Variants in FBXL7 observed in about 807,000 individuals in gnomAD.
FBXL7 encodes F-box and leucine rich repeat protein 7.
In FBXL7, 12 loss-of-function variants were observed where a neutral mutation model predicts 38.3. The ratio of observed to expected loss-of-function variants is 0.31; its 90% CI spans 0.20 to 0.51. The LOEUF is 0.51. Among genes scored for constraint, FBXL7 ranks in the 20% least tolerant of loss-of-function variants. The probability of loss-of-function intolerance (pLI) is 0.98; values close to 1 mark genes in which losing one functional copy is unlikely to be tolerated. For synonymous variants in FBXL7, 297 were observed against 300.9 expected, an observed-to-expected ratio of 0.99 and a Z score of 0.13; for missense variants, 567 against 676.4, an observed-to-expected ratio of 0.84 and a Z score of 1.79.
At chr5:15,657,400 G>T (rs1741918994) in intron 2 of FBXL7, among the ~76,000 whole-genome samples, 1 of 152,134 alleles carries the variant, frequency 6.6e-6, no homozygotes, top group African/African-American at 2.4e-5. Flanking sequence ...GTACCGGCCT[G>T]CAGTAAACAA....
At chr5:15,920,473 A>T (rs1297991182) in intron 2 of FBXL7, among the ~76,000 whole-genome samples, 1 of 151,542 alleles carries the variant, frequency 6.6e-6, no homozygotes, top group Non-Finnish European at 1.5e-5. Flanking sequence ...CTTGCCATCT[A>T]CTCTGTGTAT....
At chr5:15,517,005 A>ATTTTTT (rs1474797088) in intron 1 of FBXL7, among the ~76,000 whole-genome samples, 1 of 151,762 alleles carries the variant, frequency 6.6e-6, no homozygotes, top group Non-Finnish European at 1.5e-5. Flanking sequence ...TGGGTTTTTT[A>ATTTTTT]TTTTTTTATT....
At chr5:15,655,431 T>C (rs1478616471) in intron 2 of FBXL7, among the ~76,000 whole-genome samples, 1 of 151,558 alleles carries the variant, frequency 6.6e-6, no homozygotes, top group Non-Finnish European at 1.5e-5. Flanking sequence ...GAGGTTGAGG[T>C]TGCAGTGAGC....
At chr5:15,746,714 T>A (rs1269235095) in intron 2 of FBXL7, among the ~76,000 whole-genome samples, 1 of 152,168 alleles carries the variant, frequency 6.6e-6, no homozygotes, top group Non-Finnish European at 1.5e-5. Flanking sequence ...TTTAAAGTTA[T>A]GGACTAGATA....
intron 2 of FBXL7, among the ~76,000 whole-genome samples, chr5:15,619,760 C>A (rs1415175747): frequency 1.3e-5 from 2 of 152,104 alleles, no homozygotes; most frequent in African/African-American, 4.8e-5. Context: ...ATGGCTATAC[C>A]TTTAATAGCC....
intron 1 of FBXL7, among the ~76,000 whole-genome samples, chr5:15,501,937 T>G (rs1736500927): frequency 6.6e-6 from 1 of 152,026 alleles, no homozygotes; most frequent in Non-Finnish European, 1.5e-5. Context: ...TTGAGTTTTT[T>G]TTTTTTTGAC....
intron 2 of FBXL7, among the ~76,000 whole-genome samples, chr5:15,625,831 A>G (rs1740797282): frequency 6.6e-6 from 1 of 152,178 alleles, no homozygotes; most frequent in Non-Finnish European, 1.5e-5. Flanking sequence ...ATAGAAGGAA[A>G]CTCAATCTAT....
intron 2 of FBXL7, among the ~76,000 whole-genome samples, chr5:15,923,379 A>G (rs1482680541): frequency 6.6e-6 from 1 of 152,200 alleles, no homozygotes; most frequent in East Asian, 1.9e-4. Flanking sequence ...TTTTCCTGCT[A>G]TAGAGACATA....
chr5:15,591,446 CTG>C (rs1262468837), intron 1 of FBXL7, among the ~76,000 whole-genome samples: 1 of 149,510 alleles, frequency 6.7e-6, no homozygotes, highest in Non-Finnish European at 1.5e-5. Flanking sequence ...AAAAAAAAGA[CTG>C]GAGAATTTTA....
intron 2 of FBXL7, among the ~76,000 whole-genome samples, chr5:15,762,919 T>A (rs1384541581): frequency 6.6e-6 from 1 of 152,230 alleles, no homozygotes; most frequent in East Asian, 1.9e-4. Flanking sequence ...TATACAGTGA[T>A]GTACAGTGGC....
intron 2 of FBXL7, among the ~76,000 whole-genome samples, chr5:15,861,695 A>C (rs923295143): frequency 6.6e-6 from 1 of 152,216 alleles, no homozygotes; most frequent in Non-Finnish European, 1.5e-5. Context: ...GCATAGTCCT[A>C]TTAACATAAC....
At chr5:15,762,695 A>C (rs1023508909) in intron 2 of FBXL7, among the ~76,000 whole-genome samples, 1 of 152,192 alleles carries the variant, frequency 6.6e-6, no homozygotes, top group South Asian at 2.1e-4. Context: ...AAAACAGCGT[A>C]CTGCTGAGAG....
intron 2 of FBXL7, among the ~76,000 whole-genome samples, chr5:15,905,059 G>C (rs1741323321): frequency 6.6e-6 from 1 of 152,142 alleles, no homozygotes; most frequent in Non-Finnish European, 1.5e-5. Context: ...CATTACCATA[G>C]TCAATCACTG....
intron 2 of FBXL7, among the ~76,000 whole-genome samples, chr5:15,762,244 A>G (rs1579441948): frequency 6.6e-6 from 1 of 152,356 alleles, no homozygotes; most frequent in East Asian, 1.9e-4. Flanking sequence ...CCTCTCCAAC[A>G]TGGCAGCTTG....
At chr5:15,685,753 A>G (rs1561084925) in intron 2 of FBXL7, among the ~76,000 whole-genome samples, 1 of 152,186 alleles carries the variant, frequency 6.6e-6, no homozygotes. Context: ...CCTTCCTCAC[A>G]GTGTTGTCAG....
At chr5:15,823,054 G>A (rs1451199850) in intron 2 of FBXL7, among the ~76,000 whole-genome samples, 2 of 152,074 alleles carry the variant, frequency 1.3e-5, no homozygotes, top group Non-Finnish European at 2.9e-5. Context: ...TCAAACCCAA[G>A]GAATCAACCT....
chr5:15,823,052 A>G (rs545883000), intron 2 of FBXL7, among the ~76,000 whole-genome samples: 1 of 152,274 alleles, frequency 6.6e-6, no homozygotes, highest in East Asian at 1.9e-4. Flanking sequence ...ATTCAAACCC[A>G]AGGAATCAAC....
At chr5:15,709,965 A>C (rs1003126387) in intron 2 of FBXL7, among the ~76,000 whole-genome samples, 3 of 152,264 alleles carry the variant, frequency 2.0e-5, no homozygotes, top group African/African-American at 7.2e-5. Context: ...TAAAGCCTCC[A>C]CCTATTAAAA....
At chr5:15,541,510 A>G (rs1271930261) in intron 1 of FBXL7, among the ~76,000 whole-genome samples, 1 of 102,246 alleles carries the variant, frequency 9.8e-6, no homozygotes, top group Non-Finnish European at 1.9e-5. Context: ...TATTGTTCCC[A>G]TCTTACCCCC....
Sources: gnomAD v4.1 joint callset for allele counts (sites outside exome capture counted in the v4.1 genomes callset) on GRCh38, gnomAD v4.1.1 for gene constraint, MANE v1.5 for transcripts, NCBI Gene and HGNC (gene_info 2026-07-23, HGNC 2026-07-21) for gene names.